WDFY2: variants seen among roughly 807,000 people sequenced by gnomAD.
WDFY2 encodes the protein WD repeat and FYVE domain containing 2, also known as WD repeat and FYVE domain-containing protein 2.
WDFY2 carries 36 observed loss-of-function variants against 56.4 expected under a neutral mutation model. That is an observed-to-expected ratio of 0.64 (90% CI 0.49 to 0.84). WDFY2 has a LOEUF of 0.84. Ranked by LOEUF, WDFY2 falls within the 40% of genes least tolerant of loss-of-function variation. The pLI is 0.00. For synonymous variants in WDFY2, 176 were observed against 183.7 expected, an observed-to-expected ratio of 0.96 and a Z score of 0.34; for missense variants, 444 against 512.2, an observed-to-expected ratio of 0.87 and a Z score of 1.29.
chr13:51,652,524 T>A (rs961089335), intron 1 of WDFY2, among the ~76,000 whole-genome samples: 1 of 152,230 alleles, frequency 6.6e-6, no homozygotes, highest in Non-Finnish European at 1.5e-5. Flanking sequence ...ATTTGGCATG[T>A]CTTTGCAGTG....
chr13:51,689,946 T>C (rs966944643), intron 3 of WDFY2, among the ~76,000 whole-genome samples: 6 of 152,122 alleles, frequency 3.9e-5, no homozygotes, highest in Non-Finnish European at 8.8e-5. Flanking sequence ...TCACTCTCAT[T>C]TTCTAAGAAA....
chr13:51,693,258 C>G (rs1384473725), intron 3 of WDFY2, among the ~76,000 whole-genome samples: 1 of 151,982 alleles, frequency 6.6e-6, no homozygotes, highest in Non-Finnish European at 1.5e-5. Flanking sequence ...TTTTCTAGTT[C>G]TTTTCATTGT....
chr13:51,692,335 A>G (rs1312642413), intron 3 of WDFY2, among the ~76,000 whole-genome samples: 1 of 152,206 alleles, frequency 6.6e-6, no homozygotes, highest in African/African-American at 2.4e-5. Context: ...TAGGTTTGTC[A>G]TAGATAGCTC....
At chr13:51,705,242 A>C (rs548205154) in intron 4 of WDFY2, among the ~76,000 whole-genome samples, 1 of 152,298 alleles carries the variant, frequency 6.6e-6, no homozygotes, top group Non-Finnish European at 1.5e-5. Context: ...CTCCCCATCA[A>C]GGTTTCAGAT....
intron 1 of WDFY2, among the ~76,000 whole-genome samples, chr13:51,610,503 A>C (rs1193312597): frequency 2.0e-5 from 3 of 152,174 alleles, no homozygotes; most frequent in Admixed American, 6.5e-5. Context: ...TAAGCACATA[A>C]ATTTCATTCC....
At chr13:51,691,791 G>A (rs1214257645) in intron 3 of WDFY2, among the ~76,000 whole-genome samples, 2 of 151,830 alleles carry the variant, frequency 1.3e-5, no homozygotes, top group Non-Finnish European at 1.5e-5. Context: ...CTTGGGCAGT[G>A]TGGCCATTAT....
chr13:51,686,886 G>T (rs956571839), intron 3 of WDFY2, among the ~76,000 whole-genome samples: 1 of 151,334 alleles, frequency 6.6e-6, no homozygotes, highest in Admixed American at 6.6e-5. Flanking sequence ...TTGAATGTCT[G>T]GTAATTGCAC....
chr13:51,696,006 G>C (rs553588633), intron 3 of WDFY2, among the ~76,000 whole-genome samples: 1 of 152,316 alleles, frequency 6.6e-6, no homozygotes, highest in South Asian at 2.1e-4. Context: ...TCTCCTGGTG[G>C]GCCGTTTTTA....
chr13:51,664,353 T>G (rs1470467923), intron 2 of WDFY2, among the ~76,000 whole-genome samples: 1 of 152,176 alleles, frequency 6.6e-6, no homozygotes, highest in African/African-American at 2.4e-5. Context: ...GAATTTAGAA[T>G]TTGGAGGCAG....
At chr13:51,717,912 C>T (rs748374030) in intron 4 of WDFY2, among the ~76,000 whole-genome samples, 2 of 152,140 alleles carry the variant, frequency 1.3e-5, no homozygotes, top group Non-Finnish European at 2.9e-5. Context: ...CTGGTTCTGA[C>T]TGTATTGTAT....
intron 3 of WDFY2, among the ~76,000 whole-genome samples, chr13:51,693,377 G>A (rs1951788794): frequency 6.6e-6 from 1 of 151,562 alleles, no homozygotes; most frequent in Non-Finnish European, 1.5e-5. Context: ...ATTCTGGTAT[G>A]TTGTGTCTTT....
intron 2 of WDFY2, among the ~76,000 whole-genome samples, chr13:51,665,310 A>G (rs1025378041): frequency 1.3e-5 from 2 of 152,206 alleles, no homozygotes; most frequent in African/African-American, 4.8e-5. Context: ...GACAGTATCA[A>G]CTTAAAACAC....
chr13:51,758,522 GCC>G (rs1430705821), intron 11 of WDFY2, among the ~76,000 whole-genome samples: 9 of 145,464 alleles, frequency 6.2e-5, no homozygotes, highest in African/African-American at 2.3e-4. Context: ...CTGCACTCTA[GCC>G]TGAGCAACAA....
intron 2 of WDFY2, among the ~76,000 whole-genome samples, chr13:51,662,344 C>T (rs1342665174): frequency 6.6e-6 from 1 of 152,018 alleles, no homozygotes; most frequent in Non-Finnish European, 1.5e-5. Flanking sequence ...CAGTATCTAA[C>T]TGTAAGAGAT....
intron 6 of WDFY2, among the ~76,000 whole-genome samples, chr13:51,728,051 A>C (rs1952643194): frequency 6.6e-6 from 1 of 152,228 alleles, no homozygotes; most frequent in Non-Finnish European, 1.5e-5. Flanking sequence ...TGCACCAGAG[A>C]AAGCCAGTGT....
Position 51,745,738 on chromosome 13 carries a change from TAAAAAAA to T in WDFY2, c.726-5551_726-5545del, listed in dbSNP as rs34880965. 3.0e-4 allele frequency among the ~76,000 whole-genome samples: 26 copies of T among 86,336 alleles called. No individual in the cohort carries two copies. In the East Asian group the frequency reaches 7.4e-3, roughly 24 times the overall value. 56.6% of individuals were successfully genotyped at this position (86,336 alleles called of 152,430 possible). A position where few individuals can be genotyped will look rare whatever the true frequency, so the allele number is the denominator to read the frequency against. ...ATAATCTCAGTGATTATCCTTCATT[TAAAAAAA>T]AAAAAAAAAAAAAAAAAAAACCAGG... On this transcript the variant is annotated intron_variant, in intron 7 of 11. Coordinates refer to ENST00000298125, the MANE Select transcript of WDFY2 (RefSeq NM_052950.4).
chr13:51,717,383 ATTCT>A (rs1450932299), intron 4 of WDFY2, among the ~76,000 whole-genome samples: 1 of 151,960 alleles, frequency 6.6e-6, no homozygotes, highest in Non-Finnish European at 1.5e-5. Flanking sequence ...TAGGGTTTTG[ATTCT>A]TTGTCATTCA....
chr13:51,615,051 T>C (rs1273582335), intron 1 of WDFY2, among the ~76,000 whole-genome samples: 10 of 152,248 alleles, frequency 6.6e-5, no homozygotes, highest in Admixed American at 6.5e-4. Flanking sequence ...TCAATTGATT[T>C]ATTAAGCTTG....
At chr13:51,642,919 G>A (rs1187307924) in intron 1 of WDFY2, among the ~76,000 whole-genome samples, 5 of 151,860 alleles carry the variant, frequency 3.3e-5, no homozygotes, top group African/African-American at 7.3e-5. Context: ...CTCGTGATCC[G>A]CTCACCTTGG....
Sources: allele counts gnomAD v4.1 joint callset (sites outside exome capture counted in the v4.1 genomes callset), GRCh38; gene constraint gnomAD v4.1.1; transcripts MANE v1.5; gene names NCBI Gene and HGNC (gene_info 2026-07-23, HGNC 2026-07-21).